IGSF11: variants seen among roughly 807,000 people sequenced by gnomAD.
The protein encoded by IGSF11 is CXADR like 1.
In IGSF11, 22 loss-of-function variants were observed where a neutral mutation model predicts 41.0. That is an observed-to-expected ratio of 0.54 (90% CI 0.38 to 0.77). The LOEUF is 0.77. Among genes scored for constraint, IGSF11 ranks in the 30% least tolerant of loss-of-function variants. IGSF11 has a pLI of 0.00. For synonymous variants in IGSF11, 219 were observed against 201.3 expected (o/e 1.09, Z -0.74); for missense variants, 444 against 530.8 (o/e 0.84, Z 1.61).
intron 1 of IGSF11, among the ~76,000 whole-genome samples, chr3:119,099,582 C>T (rs187566566): frequency 2.8e-4 from 43 of 152,244 alleles, no homozygotes; most frequent in Middle Eastern, 3.4e-3. Flanking sequence ...AAAAGGTAAA[C>T]TACTACACAT....
chr3:119,052,550 G>A (rs555310374), intron 1 of IGSF11, among the ~76,000 whole-genome samples: 2 of 152,128 alleles, frequency 1.3e-5, no homozygotes, highest in East Asian at 3.9e-4. Flanking sequence ...ATTCACAGCT[G>A]AATTCTGTCA....
intron 1 of IGSF11, among the ~76,000 whole-genome samples, chr3:118,982,383 C>A (rs1320027789): frequency 6.6e-6 from 1 of 152,164 alleles, no homozygotes; most frequent in Non-Finnish European, 1.5e-5. Context: ...CTTACGTTTT[C>A]TCCTCCATAC....
intron 6 of IGSF11, among the ~76,000 whole-genome samples, chr3:118,904,196 T>G (rs776861827): frequency 1.3e-5 from 2 of 152,208 alleles, no homozygotes; most frequent in Non-Finnish European, 2.9e-5. Context: ...ATTGTTTTCT[T>G]AAGATGTTCA....
intron 1 of IGSF11, among the ~76,000 whole-genome samples, chr3:118,986,541 C>T (rs1048273620): frequency 1.3e-5 from 2 of 152,096 alleles, no homozygotes; most frequent in Non-Finnish European, 2.9e-5. Context: ...TGGAAAGGAG[C>T]TTTTACTAAA....
At chr3:119,050,212 A>C (rs1230619156) in intron 1 of IGSF11, among the ~76,000 whole-genome samples, 1 of 152,004 alleles carries the variant, frequency 6.6e-6, no homozygotes, top group Non-Finnish European at 1.5e-5. Context: ...GTGAACAGGC[A>C]ACCTACAAAA....
At position 119,116,612 on chromosome 3, in the gene IGSF11, T is replaced by C. The variant is rs112834380; in HGVS notation, c.-13-11407A>G. On this transcript the variant is annotated intron_variant, in intron 1 of 7. Coordinates refer to the IGSF11 transcript ENST00000425327. ...ATTCAGGCTACAGTTTAAATGATAA[T>C]AGACATTGCCCAAAACTCAACTGCT... Among the ~76,000 whole-genome samples the C allele has an allele frequency of 3.6e-3, 545 of 152,270 alleles. 2 individuals are homozygous for C. Among genetic ancestry groups the C allele is most frequent in the African/African-American group, 0.012 (508 of 41,544 alleles).
chr3:119,082,699 A>C (rs947384198), intron 1 of IGSF11, among the ~76,000 whole-genome samples: 1 of 152,192 alleles, frequency 6.6e-6, no homozygotes, highest in Non-Finnish European at 1.5e-5. Context: ...CATTGGGTGC[A>C]ATATAAAATT....
At chr3:118,916,548 A>G (rs1941118430) in intron 4 of IGSF11, among the ~76,000 whole-genome samples, 4 of 151,528 alleles carry the variant, frequency 2.6e-5, no homozygotes, top group Admixed American at 2.6e-4. Context: ...ATTCAACAAG[A>G]GGAGCTAACT....
intron 1 of IGSF11, among the ~76,000 whole-genome samples, chr3:118,970,137 G>A (rs1933215582): frequency 6.6e-6 from 1 of 152,122 alleles, no homozygotes; most frequent in African/African-American, 2.4e-5. Context: ...ACTTTTCTGA[G>A]GACAGAAATA....
chr3:118,907,720 CA>C (rs1267523746), intron 4 of IGSF11, among the ~76,000 whole-genome samples: 1 of 152,050 alleles, frequency 6.6e-6, no homozygotes. Flanking sequence ...AAAGATAACT[CA>C]AAAAAGCTAT....
intron 1 of IGSF11, among the ~76,000 whole-genome samples, chr3:119,002,371 A>C (rs1165818532): frequency 6.6e-6 from 1 of 151,190 alleles, no homozygotes; most frequent in Non-Finnish European, 1.5e-5. Context: ...TCTGGATATT[A>C]GCCCTTTGTC....
At chr3:119,044,916 G>A (rs1209069945) in intron 1 of IGSF11, among the ~76,000 whole-genome samples, 2 of 152,048 alleles carry the variant, frequency 1.3e-5, no homozygotes, top group Non-Finnish European at 2.9e-5. Flanking sequence ...TCTAAATCTT[G>A]GAACAAAACC....
rs536406593 is a variant in IGSF11, at chr3:118,901,101, C to A, written c.*1419G>T. 6 of 152,606 alleles carry A rather than the reference C, an allele frequency of 3.9e-5. 1 individual carries two copies. Among genetic ancestry groups the A allele is most frequent in the Admixed American group, 3.9e-4 (6 of 15,276 alleles). The allele number at this position is 152,606 out of a possible 1,614,324, so 9.5% of individuals were successfully genotyped here. ...ACATGGGATGAGTATCATAAGTAAT[C>A]TAGGAAACAAATCTGAGAAGAAATT... On this transcript the variant is annotated 3_prime_UTR_variant, in exon 7 of 7. Transcript: ENST00000393775.
chr3:118,985,559 T>C (rs1380117556), intron 1 of IGSF11, among the ~76,000 whole-genome samples: 1 of 152,152 alleles, frequency 6.6e-6, no homozygotes, highest in Non-Finnish European at 1.5e-5. Flanking sequence ...GCAGAACAAA[T>C]TCAATTTGTC....
intron 1 of IGSF11, chr3:118,947,961 T>G (rs1204502896): frequency 6.6e-6 from 1 of 152,244 alleles, no homozygotes; most frequent in East Asian, 1.9e-4. Flanking sequence ...TATACTTGGA[T>G]TCAGGAATAC....
chr3:119,002,131 CTGT>C (rs1936960816), intron 1 of IGSF11, among the ~76,000 whole-genome samples: 1 of 137,018 alleles, frequency 7.3e-6, no homozygotes. Flanking sequence ...TCTCCAGCAC[CTGT>C]TGTTTCCTAA....
At chr3:118,992,566 C>G (rs1240624933) in intron 1 of IGSF11, among the ~76,000 whole-genome samples, 3 of 152,206 alleles carry the variant, frequency 2.0e-5, no homozygotes, top group Admixed American at 2.0e-4. Context: ...CTCCAATCCC[C>G]AAGCACACAC....
rs773057401 is a variant in IGSF11 at position 119,110,725 on chromosome 3, G to T, written c.-13-5520C>A. ...TTTTGGCATGATTTTGCAGCGGCTG[G>T]TACCAGTTGTTCCTTTCCATGTTTA... On this transcript the variant is annotated intron_variant, in intron 1 of 7. Coordinates refer to the IGSF11 transcript ENST00000425327. Among the ~76,000 whole-genome samples the T allele has an allele frequency of 5.9e-5, 9 of 152,156 alleles. 1 individual carries two copies. In the Middle Eastern group the frequency reaches 0.02, roughly 345 times the overall value.
intron 4 of IGSF11, among the ~76,000 whole-genome samples, chr3:118,913,640 T>C (rs145095221): frequency 2.0e-4 from 30 of 152,276 alleles, no homozygotes; most frequent in Admixed American, 6.5e-5. Flanking sequence ...ATCAATGTAA[T>C]ACCTACTGAA....
Sources: allele counts gnomAD v4.1 joint callset (sites outside exome capture counted in the v4.1 genomes callset), GRCh38; gene constraint gnomAD v4.1.1; transcripts MANE v1.5; gene names NCBI Gene and HGNC (gene_info 2026-07-23, HGNC 2026-07-21).